Variants in NR3C2 observed in about 807,000 individuals in gnomAD.
NR3C2 encodes nuclear receptor subfamily 3 group C member 2, also known as mineralocorticoid receptor.
A neutral mutation model predicts 86.4 loss-of-function variants in NR3C2; 15 were observed. The observed-to-expected ratio is 0.17, with a 90% CI of 0.12 to 0.27. The LOEUF is 0.27. Among genes scored for constraint, NR3C2 ranks in the 10% least tolerant of loss-of-function variants. The pLI, the probability that NR3C2 is intolerant of heterozygous loss-of-function variation, is 1.00. For missense variants in NR3C2, 960 were observed against 1,195.6 expected (o/e 0.80, Z 2.91); for synonymous variants, 458 against 450.5 (o/e 1.02, Z -0.21).
chr4:148,080,586 A>G lies in NR3C2; in HGVS notation c.*758T>C, dbSNP rs1283692187. ...TTTTTGTATGTGTCTCATTTACAAA[A>G]GATCCTTATACCTTATTTCAGGTCC... On this transcript the variant is annotated 3_prime_UTR_variant, in exon 9 of 9. Transcript: ENST00000358102. 1.3e-5 allele frequency: 2 copies of G among 155,716 alleles called. No individual in the cohort carries two copies. Among genetic ancestry groups the G allele is most frequent in the Admixed American group, 6.4e-5 (1 of 15,624 alleles). 9.6% of individuals were successfully genotyped at this position (155,716 alleles called of 1,614,324 possible).
intron 6 of NR3C2, among the ~76,000 whole-genome samples, chr4:148,140,101 C>A (rs1733538126): frequency 6.6e-6 from 1 of 152,168 alleles, no homozygotes; most frequent in Non-Finnish European, 1.5e-5. Flanking sequence ...GAGTCTGGAG[C>A]CTTCCTTTGT....
intron 4 of NR3C2, among the ~76,000 whole-genome samples, chr4:148,185,129 T>G (rs1735833625): frequency 6.6e-6 from 1 of 152,216 alleles, no homozygotes. Flanking sequence ...TCACCATACA[T>G]TTACTCATCA....
At chr4:148,349,762 C>A (rs1002880094) in intron 2 of NR3C2, among the ~76,000 whole-genome samples, 1 of 152,064 alleles carries the variant, frequency 6.6e-6, no homozygotes, top group Non-Finnish European at 1.5e-5. Context: ...TTCCATTTCC[C>A]ATTAGACAAT....
At chr4:148,141,201 G>C (rs562295762) in intron 6 of NR3C2, among the ~76,000 whole-genome samples, 2 of 152,188 alleles carry the variant, frequency 1.3e-5, no homozygotes, top group African/African-American at 4.8e-5. Context: ...GGGAGGCCAA[G>C]GTGGGTGGAT....
At chr4:148,228,573 G>T (rs181057770) in intron 3 of NR3C2, among the ~76,000 whole-genome samples, 40 of 152,264 alleles carry the variant, frequency 2.6e-4, no homozygotes, top group Non-Finnish European at 4.7e-4. Context: ...CAGGTCCTCT[G>T]TCAGATACAT....
Position 148,093,292 on chromosome 4 carries a change from C to T in NR3C2, c.2800-11793G>A, listed in dbSNP as rs535901889. Among the ~76,000 whole-genome samples the T allele has an allele frequency of 1.7e-4, 26 of 152,332 alleles. No homozygotes were observed. In the East Asian group the frequency reaches 4.8e-3, roughly 28 times the overall value. ...TGCTGGGGCAGGCCAGCGGCCACTC[C>T]CCGCTCTCCCTGCTCGCAAAGGAAG... On this transcript the variant is annotated intron_variant, in intron 8 of 8. Transcript: ENST00000358102.
intron 2 of NR3C2, among the ~76,000 whole-genome samples, chr4:148,265,720 C>T (rs1248120659): frequency 6.6e-6 from 1 of 152,190 alleles, no homozygotes; most frequent in African/African-American, 2.4e-5. Flanking sequence ...TTCAAACATT[C>T]ATTCACCTAT....
intron 7 of NR3C2, among the ~76,000 whole-genome samples, chr4:148,115,403 C>A (rs979885897): frequency 9.2e-5 from 14 of 152,194 alleles, no homozygotes; most frequent in African/African-American, 3.1e-4. Flanking sequence ...ATAAGAAAAT[C>A]AACTAGAATT....
chr4:148,442,681 A>T (rs1275095894), upstream of NR3C2: 2 of 985,378 alleles, frequency 2.0e-6, no homozygotes, highest in South Asian at 4.7e-5. Flanking sequence ...GACATGACTG[A>T]TACAAAGTTG....
At chr4:148,310,535 T>C (rs1358337874) in intron 2 of NR3C2, among the ~76,000 whole-genome samples, 2 of 152,192 alleles carry the variant, frequency 1.3e-5, no homozygotes, top group African/African-American at 2.4e-5. Context: ...CATAAGTCTC[T>C]ACCAGCCAGC....
chr4:148,174,031 G>T (rs908577305), intron 4 of NR3C2, among the ~76,000 whole-genome samples: 2 of 152,182 alleles, frequency 1.3e-5, no homozygotes, highest in African/African-American at 4.8e-5. Flanking sequence ...TGTGTTCACT[G>T]CTTTATGTTC....
intron 2 of NR3C2, among the ~76,000 whole-genome samples, chr4:148,279,296 G>C (rs1358086999): frequency 6.6e-6 from 1 of 152,170 alleles, no homozygotes; most frequent in Non-Finnish European, 1.5e-5. Context: ...AACATGTGGA[G>C]GAAAAATTGC....
intron 2 of NR3C2, among the ~76,000 whole-genome samples, chr4:148,321,301 T>A (rs1454061575): frequency 1.3e-5 from 2 of 149,300 alleles, no homozygotes; most frequent in African/African-American, 5.0e-5. Context: ...CTTCCAACTA[T>A]GTGGTCAATT....
At chr4:148,394,982 G>A (rs1332279278) in intron 2 of NR3C2, among the ~76,000 whole-genome samples, 1 of 151,972 alleles carries the variant, frequency 6.6e-6, no homozygotes, top group Non-Finnish European at 1.5e-5. Flanking sequence ...AGAATGTAGT[G>A]GGGGAAACAG....
At chr4:148,291,023 C>T (rs13148853) in intron 2 of NR3C2, among the ~76,000 whole-genome samples, 31,321 of 152,084 alleles carry the variant, frequency 0.21, 4,095 homozygotes, top group East Asian at 0.43. Flanking sequence ...CTTCTGCACT[C>T]GTCTACTTAA....
intron 2 of NR3C2, among the ~76,000 whole-genome samples, chr4:148,381,198 A>T (rs892831068): frequency 2.0e-5 from 3 of 151,958 alleles, no homozygotes; most frequent in Admixed American, 2.0e-4. Context: ...ACTGCACTCC[A>T]GCCTGGGCAC....
intron 6 of NR3C2, among the ~76,000 whole-genome samples, chr4:148,136,653 CT>C (rs200323098): frequency 8.7e-5 from 13 of 149,102 alleles, no homozygotes; most frequent in African/African-American, 2.0e-4. Context: ...GAGTCACCTG[CT>C]TTTTTTTTTG....
rs538954826 is a variant in NR3C2, at chr4:148,186,306, TGA to T, written c.2014+8438_2014+8439del. Among the ~76,000 whole-genome samples the T allele has an allele frequency of 3.7e-3, 570 of 152,370 alleles. 2 individuals carry two copies. The highest frequency in any genetic ancestry group is 0.013 in the African/African-American group (552 of 41,584). ...TCATATCCTTTACCCATTTTTTTAA[TGA>T]GTTGGGTTTTATTTTCTTATAAAAT... On this transcript the variant is annotated intron_variant, in intron 4 of 8. Coordinates refer to ENST00000358102, the MANE Select transcript of NR3C2 (RefSeq NM_000901.5).
chr4:148,343,074 A>G lies in NR3C2; in HGVS notation c.1758-82957T>C, dbSNP rs1222807487. 2.6e-5 allele frequency among the ~76,000 whole-genome samples: 4 copies of G among 152,222 alleles called. No individual in the cohort carries two copies. The East Asian group carries it at 7.7e-4, about 29-fold the overall frequency. ...AGAATGAAATTCATCTGACTCCACAATAATTATTAAATCAAATATCATGGC... is the reference window on the plus strand; with the variant it reads ...AGAATGAAATTCATCTGACTCCACAGTAATTATTAAATCAAATATCATGGC... On this transcript the variant is annotated intron_variant, in intron 2 of 8. Coordinates refer to ENST00000358102, the MANE Select transcript of NR3C2 (RefSeq NM_000901.5).
Sources: allele counts gnomAD v4.1 joint callset (sites outside exome capture counted in the v4.1 genomes callset), GRCh38; gene constraint gnomAD v4.1.1; transcripts MANE v1.5; gene names NCBI Gene and HGNC (gene_info 2026-07-23, HGNC 2026-07-21).